The following AIF1L variants were observed in gnomAD, a reference collection of about 807,000 sequenced individuals.
AIF1L encodes the protein allograft inflammatory factor 1 like.
Under a neutral mutation model 20.7 loss-of-function variants are expected in AIF1L, and 12 were observed. The ratio of observed to expected loss-of-function variants is 0.58; its 90% confidence interval spans 0.37 to 0.94. The LOEUF is 0.94. AIF1L is among the 40% of genes least tolerant of loss of function. The pLI, the probability that AIF1L is intolerant of heterozygous loss-of-function variation, is 0.01. For missense variants in AIF1L, 173 were observed against 185.3 expected (o/e 0.93, Z 0.39); for synonymous variants, 76 against 65.1 (o/e 1.17, Z -0.81).
chr9:131,103,567 CTG>C (rs1310780372), intron 2 of AIF1L, among the ~76,000 whole-genome samples: 3 of 152,192 alleles, frequency 2.0e-5, no homozygotes, highest in Non-Finnish European at 4.4e-5. Flanking sequence ...TAGCTTGAGT[CTG>C]TGAGGTTGAG....
At chr9:131,104,912 A>T (rs1830712295) in intron 2 of AIF1L, among the ~76,000 whole-genome samples, 1 of 151,596 alleles carries the variant, frequency 6.6e-6, no homozygotes, top group South Asian at 2.1e-4. Flanking sequence ...AAAAAAAAAA[A>T]ATTCATGCAG....
rs534349833 is a variant in AIF1L at position 131,099,021 on chromosome 9, T to C, written c.93+2158T>C. Among the ~76,000 whole-genome samples the C allele has an allele frequency of 6.6e-5, 10 of 152,280 alleles. No individual in the cohort carries two copies. In the East Asian group the frequency reaches 1.9e-3, roughly 29 times the overall value. On this transcript the variant is annotated intron_variant, in intron 2 of 5. Coordinates refer to ENST00000247291, the MANE Select transcript of AIF1L (RefSeq NM_031426.4). ...CAGGGTGGCCCCACCAGTTTAGTCA[T>C]GAGGTACCCACAAGCACTGATCTGT... is the stretch of plus-strand genomic sequence containing the variant.
intron 2 of AIF1L, among the ~76,000 whole-genome samples, chr9:131,100,017 C>T (rs369856312): frequency 5.9e-5 from 9 of 152,024 alleles, no homozygotes; most frequent in African/African-American, 2.2e-4. Context: ...GTGAGCCACC[C>T]CACCCCGCCC....
At position 131,104,830 on chromosome 9, in the gene AIF1L, T is replaced by G. The variant is rs112752814; in HGVS notation, c.94-6767T>G. Among the ~76,000 whole-genome samples the G allele has an allele frequency of 4.1e-3, 625 of 151,538 alleles. 7 individuals carry two copies. Among genetic ancestry groups the G allele is most frequent in the African/African-American group, 0.015 (600 of 41,234 alleles). On this transcript the variant is annotated intron_variant, in intron 2 of 5. Transcript: ENST00000247291. ...GGCGGACTGCTTGGGCCCAGGAGGT[T>G]GAGGTTGCAGTGGGCTATGATTGTG... is the stretch of plus-strand genomic sequence containing the variant.
chr9:131,108,813 G>A lies in AIF1L; in HGVS notation c.94-2784G>A, dbSNP rs113972087. Among the ~76,000 whole-genome samples the A allele has an allele frequency of 7.2e-5, 11 of 152,302 alleles. 1 individual carries two copies. Among genetic ancestry groups the A allele is most frequent in the African/African-American group, 2.2e-4 (9 of 41,572 alleles). On this transcript the variant is annotated intron_variant, in intron 2 of 5. Coordinates refer to ENST00000247291, the MANE Select transcript of AIF1L (RefSeq NM_031426.4). ...TTGCTCATTGAGAGCTGAACTATGA[G>A]CCCAGTGCCCAAGGAGTGGGTACTA...
chr9:131,097,238 C>T (rs918965855), intron 2 of AIF1L, among the ~76,000 whole-genome samples: 10 of 152,168 alleles, frequency 6.6e-5, no homozygotes, highest in African/African-American at 2.2e-4. Flanking sequence ...ACACAGGCTC[C>T]GGGTCATTTG....
At chr9:131,103,950 G>C (rs1386699700) in intron 2 of AIF1L, among the ~76,000 whole-genome samples, 1 of 152,210 alleles carries the variant, frequency 6.6e-6, no homozygotes, top group African/African-American at 2.4e-5. Context: ...GGTTTCCCCA[G>C]CTATTGAACA....
At chr9:131,104,517 T>C (rs752757364) in intron 2 of AIF1L, among the ~76,000 whole-genome samples, 109 of 152,240 alleles carry the variant, frequency 7.2e-4, no homozygotes, top group Non-Finnish European at 1.2e-3. Context: ...TTGCTAAAAC[T>C]TGGCAATCCT....
chr9:131,102,133 G>A (rs927266298), intron 2 of AIF1L, among the ~76,000 whole-genome samples: 41 of 152,058 alleles, frequency 2.7e-4, no homozygotes, highest in Non-Finnish European at 4.6e-4. Flanking sequence ...GGCTGGTCTC[G>A]AACTCCTGAC....
intron 2 of AIF1L, among the ~76,000 whole-genome samples, chr9:131,100,484 C>T (rs1830613501): frequency 6.6e-6 from 1 of 152,206 alleles, no homozygotes; most frequent in East Asian, 1.9e-4. Context: ...GGTAAACTGC[C>T]TGGGTTTAAA....
intron 2 of AIF1L, among the ~76,000 whole-genome samples, chr9:131,105,966 G>A (rs748442768): frequency 5.9e-5 from 9 of 151,948 alleles, no homozygotes; most frequent in Non-Finnish European, 8.8e-5. Flanking sequence ...CTACAGGCAC[G>A]CACCACCACA....
At chr9:131,111,765 C>T (rs544622028) in intron 3 of AIF1L, 102 bp downstream of exon 3, 3 of 1,197,728 alleles carry the variant, frequency 2.5e-6, no homozygotes, top group South Asian at 2.6e-5. Context: ...TAGGCTGTGG[C>T]CCTGTTTTGT....
At chr9:131,098,968 A>G (rs1272644831) in intron 2 of AIF1L, among the ~76,000 whole-genome samples, 1 of 152,100 alleles carries the variant, frequency 6.6e-6, no homozygotes. Context: ...ATCACACGGG[A>G]AGCTTGAGCT....
chr9:131,120,300 G>C lies in AIF1L; in HGVS notation c.431G>C (p.Arg144Thr), dbSNP rs143474700. The part of the protein sequence containing the change: ...SPKPVGPPPE[R>T]DIASLP ...AAGCCAGTTGGCCCCCCTCCAGAGA[G>C]AGACATTGCTAGCCTGCCCTGAGGA... is the stretch of plus-strand genomic sequence containing the variant. Residue 144 changes from arginine (R) to threonine (T), a missense_variant, in exon 6 of 6, where the codon AGA (arginine) becomes ACA (threonine). By Grantham distance (71) the Arg-to-Thr change is moderately conservative. Coordinates refer to ENST00000247291, the MANE Select transcript of AIF1L (RefSeq NM_031426.4). 12 of 1,613,550 alleles carry C rather than the reference G, an allele frequency of 7.4e-6. No homozygotes were observed. The African/African-American group carries it at 1.1e-4, about 14-fold the overall frequency.
chr9:131,104,966 C>T (rs1456581298), intron 2 of AIF1L, among the ~76,000 whole-genome samples: 1 of 148,736 alleles, frequency 6.7e-6, no homozygotes, highest in Admixed American at 6.7e-5. Flanking sequence ...TCCAGTCTGC[C>T]TTTTTTTTTT....
intron 3 of AIF1L, 153 bp from the exon 4 acceptor site, chr9:131,114,424 C>A: frequency 2.6e-6 from 2 of 769,308 alleles, no homozygotes; most frequent in Non-Finnish European, 4.5e-6. Context: ...CATGGCTCAG[C>A]GGATGGGGGA....
intron 2 of AIF1L, chr9:131,102,758 A>G: frequency 2.7e-6 from 1 of 372,532 alleles, no homozygotes; most frequent in Non-Finnish European, 5.3e-6. Flanking sequence ...AGGTGCCAGC[A>G]CCACTTGTGG....
At chr9:131,103,401 C>T (rs924668064) in intron 2 of AIF1L, among the ~76,000 whole-genome samples, 8 of 151,956 alleles carry the variant, frequency 5.3e-5, no homozygotes, top group South Asian at 2.1e-4. Context: ...GCCCTTCCCC[C>T]GCACACACAC....
At chr9:131,108,409 A>G (rs1830800402) in intron 2 of AIF1L, among the ~76,000 whole-genome samples, 1 of 152,036 alleles carries the variant, frequency 6.6e-6, no homozygotes, top group Non-Finnish European at 1.5e-5. Flanking sequence ...CATGTTGGCC[A>G]GGCTGTTCTT....
Sources: gnomAD v4.1 joint callset for allele counts (sites outside exome capture counted in the v4.1 genomes callset) on GRCh38, gnomAD v4.1.1 for gene constraint, MANE v1.5 for transcripts, NCBI Gene and HGNC (gene_info 2026-07-23, HGNC 2026-07-21) for gene names.